Variants in CREG2 observed in about 807,000 individuals in gnomAD.
The protein encoded by CREG2 is cellular repressor of E1A stimulated genes 2, also known as protein CREG2.
A neutral mutation model predicts 26.2 loss-of-function variants in CREG2; 24 were observed. The observed-to-expected ratio is 0.92, with a 90% CI of 0.66 to 1.29. The LOEUF is 1.29. Ranked by LOEUF, CREG2 falls within the 50% of genes most tolerant of loss-of-function variation. CREG2 has a pLI of 0.00. For missense variants in CREG2, 366 were observed against 398.6 expected, an observed-to-expected ratio of 0.92 and a Z score of 0.70; for synonymous variants, 174 against 169.2, an observed-to-expected ratio of 1.03 and a Z score of -0.22.
At chr2:101,352,135 G>A (rs1018483148) in intron 3 of CREG2, among the ~76,000 whole-genome samples, 23 of 151,940 alleles carry the variant, frequency 1.5e-4, no homozygotes, top group Admixed American at 8.5e-4. Context: ...TTCTGCCTCA[G>A]CCTTCCAAAG....
intron 2 of CREG2, among the ~76,000 whole-genome samples, chr2:101,367,018 T>C (rs1442793462): frequency 6.6e-6 from 1 of 152,094 alleles, no homozygotes; most frequent in Non-Finnish European, 1.5e-5. Context: ...TTGGCGTCTT[T>C]TGGTGGGGGG....
At position 101,346,683 on chromosome 2, in the gene CREG2, G is replaced by T. The variant is rs963640260; in HGVS notation, c.*4240C>A. 15 of 152,216 alleles carry T rather than the reference G, an allele frequency of 9.9e-5. No individual in the cohort carries two copies. Among genetic ancestry groups the T allele is most frequent in the African/African-American group, 3.6e-4 (15 of 41,454 alleles). The allele number at this position is 152,216 out of a possible 1,614,324, so 9.4% of individuals were successfully genotyped here. ...CTCATTTTATTAGGGACTAATAAGA[G>T]AGAGAGTATAAATGCTTTATTAAGC... On this transcript the variant is annotated 3_prime_UTR_variant, in exon 4 of 4. Transcript: ENST00000324768.
chr2:101,358,329 C>T (rs1684492178), intron 2 of CREG2, among the ~76,000 whole-genome samples: 1 of 152,166 alleles, frequency 6.6e-6, no homozygotes, highest in African/African-American at 2.4e-5. Context: ...TCCCAGACTC[C>T]ACCTCTCCTC....
chr2:101,351,126 T>C, intron 3 of CREG2, 56 bp from the exon 4 acceptor site: 2 of 1,567,374 alleles, frequency 1.3e-6, no homozygotes, highest in Admixed American at 1.8e-5. Flanking sequence ...AGGTGCACCC[T>C]GGGCCAAGTC....
At position 101,387,247 on chromosome 2, in the gene CREG2, G is replaced by T. The variant is rs1377068266; in HGVS notation, c.211C>A (p.Gln71Lys). 6.9e-7 allele frequency: 1 copy of T among 1,445,136 alleles called. No homozygotes were observed. Among genetic ancestry groups the T allele is most frequent in the South Asian group, 1.4e-5 (1 of 72,070 alleles). 89.5% of individuals were successfully genotyped at this position (1,445,136 alleles called of 1,614,324 possible). Reference sequence around the variant, plus strand: ...TGGGCAGAGGCGGGGAAGCTTTGCTGCCAGATGCTGCCCGAATCCTCTAGC... The same window carrying T: ...TGGGCAGAGGCGGGGAAGCTTTGCTTCCAGATGCTGCCCGAATCCTCTAGC... ...ALLEDSGSIW[Q>K]QSFPASAHKE... Residue 71 changes from glutamine to lysine, a missense_variant, in exon 1 of 4, where the codon CAG (glutamine) becomes AAG (lysine). Coordinates refer to ENST00000324768, the MANE Select transcript of CREG2 (RefSeq NM_153836.4). The surrounding 1 kb of genome is among the most constrained non-coding windows in gnomAD (Gnocchi z 4.7).
intron 2 of CREG2, among the ~76,000 whole-genome samples, chr2:101,368,412 G>A (rs1004334842): frequency 2.1e-4 from 32 of 152,040 alleles, no homozygotes; most frequent in African/African-American, 7.5e-4. Flanking sequence ...CTTCCTTAAT[G>A]CCCCCATGAA....
chr2:101,355,840 T>G (rs114059367), intron 2 of CREG2, among the ~76,000 whole-genome samples: 1,675 of 152,182 alleles, frequency 0.011, 42 homozygotes, highest in African/African-American at 0.038. Context: ...CCACAAACTC[T>G]GGAGTCCCAG....
intron 2 of CREG2, among the ~76,000 whole-genome samples, chr2:101,369,851 C>T (rs955274033): frequency 6.6e-6 from 1 of 152,250 alleles, no homozygotes; most frequent in Non-Finnish European, 1.5e-5. Flanking sequence ...GAGCAAGTTT[C>T]ATGTCTTGCC....
chr2:101,369,299 T>A (rs943553657), intron 2 of CREG2, among the ~76,000 whole-genome samples: 1 of 151,950 alleles, frequency 6.6e-6, no homozygotes, highest in African/African-American at 2.4e-5. Flanking sequence ...GTAGAGCAGG[T>A]GAGCCCTGCA....
intron 2 of CREG2, among the ~76,000 whole-genome samples, chr2:101,364,972 T>C (rs573574522): frequency 4.5e-4 from 68 of 151,542 alleles, no homozygotes; most frequent in African/African-American, 1.5e-3. Context: ...TGCAGGAGGG[T>C]TGCACAAGCA....
intron 2 of CREG2, among the ~76,000 whole-genome samples, chr2:101,360,788 T>C (rs1465177916): frequency 3.9e-5 from 6 of 151,908 alleles, no homozygotes; most frequent in Non-Finnish European, 7.4e-5. Flanking sequence ...GTTTTGATAC[T>C]GGAAAAATGT....
At chr2:101,365,906 T>A (rs1034001501) in intron 2 of CREG2, among the ~76,000 whole-genome samples, 3 of 152,184 alleles carry the variant, frequency 2.0e-5, no homozygotes, top group African/African-American at 7.2e-5. Context: ...GCCCTACCAG[T>A]AGACCCTTTT....
At chr2:101,367,203 C>T (rs1041912463) in intron 2 of CREG2, among the ~76,000 whole-genome samples, 2 of 152,112 alleles carry the variant, frequency 1.3e-5, no homozygotes, top group Non-Finnish European at 2.9e-5. Context: ...CAACAGATGG[C>T]ACCAGAAAAG....
intron 3 of CREG2, among the ~76,000 whole-genome samples, chr2:101,354,477 T>C (rs1465869836): frequency 2.7e-4 from 41 of 152,284 alleles, no homozygotes; most frequent in Admixed American, 2.2e-3. Context: ...CATGGGGTTG[T>C]GGATCGCCCC....
rs1306238983 is a variant in CREG2 at position 101,370,610 on chromosome 2, C to T, written c.611+12923G>A. On this transcript the variant is annotated intron_variant, in intron 2 of 3. Coordinates refer to ENST00000324768, the MANE Select transcript of CREG2 (RefSeq NM_153836.4). The stretch of plus-strand genomic sequence containing the variant: ...TATTTAACTGTGGATCAGGAGTACT[C>T]TGGCTGTTCCTTGAAAGTGCAGATC... 2.6e-5 allele frequency among the ~76,000 whole-genome samples: 4 copies of T among 152,214 alleles called. No homozygotes were observed. In the East Asian group the frequency reaches 7.7e-4, roughly 29 times the overall value.
intron 3 of CREG2, among the ~76,000 whole-genome samples, chr2:101,352,862 A>G (rs1684403023): frequency 6.6e-6 from 1 of 151,962 alleles, no homozygotes; most frequent in African/African-American, 2.4e-5. Flanking sequence ...AGGCAAGAAG[A>G]TCCCTTGAGC....
intron 2 of CREG2, among the ~76,000 whole-genome samples, chr2:101,368,124 T>C (rs1684647444): frequency 6.6e-6 from 1 of 151,878 alleles, no homozygotes; most frequent in African/African-American, 2.4e-5. Context: ...CCGTCTCTAT[T>C]AAAAATACAA....
At chr2:101,371,316 A>T (rs1192997282) in intron 2 of CREG2, among the ~76,000 whole-genome samples, 1 of 152,134 alleles carries the variant, frequency 6.6e-6, no homozygotes, top group Admixed American at 6.5e-5. Flanking sequence ...CCTGCTATTC[A>T]TCTCGTTAGA....
Position 101,355,373 on chromosome 2 carries a change from G to A in CREG2, c.612-7C>T. On this transcript the variant is annotated splice_region_variant and splice_polypyrimidine_tract_variant and intron_variant, in intron 2 of 3. Coordinates refer to ENST00000324768, the MANE Select transcript of CREG2 (RefSeq NM_153836.4). Reference sequence around the variant, plus strand: ...CGGATCAACGATGTTTTTTCTGCATGTGAAAAACATTTTTTGTATATCAGA... The same window carrying A: ...CGGATCAACGATGTTTTTTCTGCATATGAAAAACATTTTTTGTATATCAGA... 6.3e-7 allele frequency: 1 copy of A among 1,583,726 alleles called. No individual in the cohort carries two copies. The highest frequency in any genetic ancestry group is 8.7e-7 in the Non-Finnish European group (1 of 1,152,804).
Sources: allele counts gnomAD v4.1 joint callset (sites outside exome capture counted in the v4.1 genomes callset), GRCh38; gene constraint gnomAD v4.1.1; non-coding constraint Gnocchi (gnomAD v3.1); transcripts MANE v1.5; gene names NCBI Gene and HGNC (gene_info 2026-07-23, HGNC 2026-07-21).